Variants in GABRA2 observed in about 807,000 individuals in gnomAD.
GABRA2 encodes gamma-aminobutyric acid receptor subunit alpha-2.
In GABRA2, 16 loss-of-function variants were observed where a neutral mutation model predicts 48.7. That is an observed-to-expected ratio of 0.33 (90% CI 0.22 to 0.50). The LOEUF is 0.50. Among genes scored for constraint, GABRA2 ranks in the 20% least tolerant of loss-of-function variants. GABRA2 has a pLI of 0.98. For missense variants in GABRA2, 275 were observed against 535.6 expected (o/e 0.51, Z 4.80); for synonymous variants, 185 against 184.5 (o/e 1.00, Z -0.02).
rs1228775136 is a variant in GABRA2 at position 46,262,132 on chromosome 4, C to A, written c.857-4G>T. The A allele has an allele frequency of 6.2e-7, 1 of 1,613,064 alleles. No homozygotes were observed. The highest frequency in any genetic ancestry group is 2.2e-5 in the East Asian group (1 of 44,742). On this transcript the variant is annotated splice_polypyrimidine_tract_variant and splice_region_variant and intron_variant, in intron 8 of 9. Coordinates refer to ENST00000381620, the MANE Select transcript of GABRA2 (RefSeq NM_000807.4). ...ATTGTTAGGACAGTTGTTACTCCTG[C>A]AAAAGAAAAGATAGGAATCGAAAAC...
At chr4:46,318,033 G>T (rs1728835481) in intron 4 of GABRA2, among the ~76,000 whole-genome samples, 1 of 151,368 alleles carries the variant, frequency 6.6e-6, no homozygotes, top group African/African-American at 2.4e-5. Context: ...AATAGCCAAT[G>T]ACACATTTCT....
intron 3 of GABRA2, among the ~76,000 whole-genome samples, chr4:46,346,362 C>G (rs371207499): frequency 6.6e-6 from 1 of 151,418 alleles, no homozygotes. Context: ...TGTATTTGGA[C>G]AGTCAACAAA....
intron 3 of GABRA2, among the ~76,000 whole-genome samples, chr4:46,385,478 T>C (rs2109372877): frequency 1.3e-5 from 2 of 152,198 alleles, no homozygotes; most frequent in East Asian, 3.9e-4. Context: ...AATGTTTAAA[T>C]TTGAAATCAA....
chr4:46,302,758 C>T (rs1022915779), intron 8 of GABRA2: 16 of 152,218 alleles, frequency 1.1e-4, no homozygotes, highest in African/African-American at 3.4e-4. Context: ...CTGTTCTTCT[C>T]CTGGCTTATA....
At chr4:46,328,823 AC>A (rs1322094338) in intron 4 of GABRA2, among the ~76,000 whole-genome samples, 5 of 152,008 alleles carry the variant, frequency 3.3e-5, no homozygotes, top group Non-Finnish European at 7.4e-5. Flanking sequence ...TCCATACTAA[AC>A]ATAAATTCAA....
intron 7 of GABRA2, 32 bp downstream of exon 7, chr4:46,305,536 C>A (rs1726534170): frequency 1.3e-6 from 2 of 1,597,816 alleles, no homozygotes; most frequent in Non-Finnish European, 1.7e-6. Context: ...TATTCTTAGG[C>A]ACCAGCTTTT....
intron 3 of GABRA2, among the ~76,000 whole-genome samples, chr4:46,377,966 C>T (rs527297514): frequency 1.5e-4 from 22 of 151,406 alleles, no homozygotes; most frequent in African/African-American, 5.1e-4. Flanking sequence ...CGGCCAGCCG[C>T]CCCATCCAGG....
At chr4:46,339,758 C>A (rs747650663) in intron 3 of GABRA2, among the ~76,000 whole-genome samples, 6 of 151,806 alleles carry the variant, frequency 4.0e-5, no homozygotes, top group African/African-American at 1.4e-4. Flanking sequence ...TAACTCCTAA[C>A]CTAATAATAT....
At chr4:46,364,781 C>G (rs1713782951) in intron 3 of GABRA2, 1 of 152,146 alleles carries the variant, frequency 6.6e-6, no homozygotes, top group Non-Finnish European at 1.5e-5. Flanking sequence ...GTGATTAGGT[C>G]AGACCCACTC....
At chr4:46,309,339 T>G (rs550453681) in intron 6 of GABRA2, among the ~76,000 whole-genome samples, 1 of 152,218 alleles carries the variant, frequency 6.6e-6, no homozygotes, top group African/African-American at 2.4e-5. Flanking sequence ...ATGAGAGTAC[T>G]GTATTTCTAT....
At chr4:46,343,337 A>AG (rs900545642) in intron 3 of GABRA2, among the ~76,000 whole-genome samples, 4 of 151,996 alleles carry the variant, frequency 2.6e-5, no homozygotes, top group Non-Finnish European at 4.4e-5. Context: ...ATATTTGTTG[A>AG]GGGAACCAAC....
rs531457372 is a variant in GABRA2, at chr4:46,290,106, C to T, written c.856+13354G>A. 6.1e-5 allele frequency among the ~76,000 whole-genome samples: 9 copies of T among 148,338 alleles called. 2 individuals carry two copies. The South Asian group carries it at 1.3e-3, about 21-fold the overall frequency. On this transcript the variant is annotated intron_variant, in intron 8 of 9. Coordinates refer to ENST00000381620, the MANE Select transcript of GABRA2 (RefSeq NM_000807.4). ...TTTTGTATTTTTTTTTTAGTAGAGA[C>T]GGGGTTTCACCATGGTCTTGATCTC...
intron 6 of GABRA2, 46 bp downstream of exon 6, chr4:46,310,127 C>T: frequency 2.8e-6 from 4 of 1,404,360 alleles, no homozygotes; most frequent in Non-Finnish European, 4.0e-6. Context: ...GCTGACTTTC[C>T]CTGATATTAT....
chr4:46,368,869 G>T, intron 3 of GABRA2: 1 of 514,108 alleles, frequency 1.9e-6, no homozygotes, highest in Non-Finnish European at 3.6e-6. Context: ...CAAGAAATGT[G>T]CTCTCCAGTT....
intron 3 of GABRA2, among the ~76,000 whole-genome samples, chr4:46,355,438 C>T (rs911562989): frequency 3.9e-5 from 6 of 152,054 alleles, no homozygotes; most frequent in Non-Finnish European, 5.9e-5. Context: ...GATAATATAT[C>T]CTTTGGGGTC....
chr4:46,283,055 T>C (rs544765452), intron 8 of GABRA2, among the ~76,000 whole-genome samples: 6 of 152,330 alleles, frequency 3.9e-5, no homozygotes, highest in East Asian at 1.9e-4. Flanking sequence ...AATCACCTTA[T>C]GGCCTTTATA....
chr4:46,332,492 G>A, intron 4 of GABRA2, 123 bp downstream of exon 4: 1 of 610,622 alleles, frequency 1.6e-6, no homozygotes, highest in East Asian at 2.8e-5. Context: ...CCATGTATTT[G>A]AGTAGACTAA....
intron 9 of GABRA2, among the ~76,000 whole-genome samples, chr4:46,259,365 C>T (rs1017935287): frequency 6.6e-6 from 1 of 151,764 alleles, no homozygotes; most frequent in Non-Finnish European, 1.5e-5. Flanking sequence ...TGTCTAATTT[C>T]ACAACTGAGG....
chr4:46,326,664 T>C (rs569847175), intron 4 of GABRA2, among the ~76,000 whole-genome samples: 2 of 151,886 alleles, frequency 1.3e-5, no homozygotes, highest in East Asian at 1.9e-4. Context: ...GAAAGTAAGA[T>C]GGCTACTTTG....
Sources: allele counts gnomAD v4.1 joint callset (sites outside exome capture counted in the v4.1 genomes callset), GRCh38; gene constraint gnomAD v4.1.1; transcripts MANE v1.5; gene names NCBI Gene and HGNC (gene_info 2026-07-23, HGNC 2026-07-21).